The following GABBR2 variants were observed in gnomAD, a reference collection of about 807,000 sequenced individuals.
GABBR2 encodes the protein G-protein coupled receptor 51.
GABBR2 carries 23 observed loss-of-function variants against 105.6 expected under a neutral mutation model. The ratio of observed to expected loss-of-function variants is 0.22; its 90% CI spans 0.16 to 0.31. The LOEUF is 0.31. GABBR2 is among the 10% of genes least tolerant of loss of function. GABBR2 has a pLI of 1.00. For missense variants in GABBR2, 734 were observed against 1,245.5 expected (o/e 0.59, Z 6.18); for synonymous variants, 478 against 499.7 (o/e 0.96, Z 0.58).
rs117184802 is a variant in GABBR2 at position 98,674,903 on chromosome 9, C to G, written c.321+33514G>C. On this transcript the variant is annotated intron_variant, in intron 1 of 18. Transcript: ENST00000259455. ...GTGGAAGCTTCATTTCTCTCTACAC[C>G]CTCTTCTCTTTCTGCCTCCCTAGGC... Among the ~76,000 whole-genome samples, 436 of 152,236 alleles carry G rather than the reference C, an allele frequency of 2.9e-3. 7 individuals carry two copies. In the East Asian group the frequency reaches 0.039, roughly 13 times the overall value.
At chr9:98,529,079 A>AGATAATT (rs1828015348) in intron 3 of GABBR2, among the ~76,000 whole-genome samples, 1 of 152,160 alleles carries the variant, frequency 6.6e-6, no homozygotes, top group Non-Finnish European at 1.5e-5. Context: ...CAGGAATTGG[A>AGATAATT]TAAAGATGGT....
chr9:98,304,931 C>T (rs1452043510), intron 15 of GABBR2, among the ~76,000 whole-genome samples: 3 of 152,166 alleles, frequency 2.0e-5, no homozygotes, highest in Non-Finnish European at 2.9e-5. Flanking sequence ...ACCACCACAC[C>T]TGGCTTTTTT....
At chr9:98,438,009 C>T (rs1825958083) in intron 7 of GABBR2, among the ~76,000 whole-genome samples, 1 of 151,822 alleles carries the variant, frequency 6.6e-6, no homozygotes, top group South Asian at 2.1e-4. Context: ...TCCAACCATC[C>T]ATCCACATCT....
intron 1 of GABBR2, among the ~76,000 whole-genome samples, chr9:98,667,866 T>C (rs965488210): frequency 2.6e-5 from 4 of 152,220 alleles, no homozygotes; most frequent in South Asian, 4.1e-4. Flanking sequence ...TGGGCTGATA[T>C]GCCTGTCCCC....
chr9:98,426,997 T>C (rs1825705232), intron 7 of GABBR2, among the ~76,000 whole-genome samples: 1 of 152,174 alleles, frequency 6.6e-6, no homozygotes, highest in Admixed American at 6.5e-5. Flanking sequence ...AACAAGAATC[T>C]GTCTCGAAAA....
chr9:98,608,149 C>A, intron 1 of GABBR2: 4 of 1,238,052 alleles, frequency 3.2e-6, no homozygotes, highest in Non-Finnish European at 4.7e-6. Context: ...CTATTGACCA[C>A]CAGTTACGTA....
chr9:98,303,103 T>C (rs1235554433), intron 16 of GABBR2, 138 bp downstream of exon 16: 2 of 606,672 alleles, frequency 3.3e-6, no homozygotes, highest in African/African-American at 3.7e-5. Context: ...CCCCTGGCTC[T>C]CGCAGCTGCA....
In GABBR2 at chr9:98,357,945, G is replaced by A. The variant is rs928752178; in HGVS notation, c.1893+4770C>T. 1.1e-4 allele frequency among the ~76,000 whole-genome samples: 16 copies of A among 152,274 alleles called. No individual in the cohort carries two copies. In the East Asian group the frequency reaches 2.5e-3, roughly 24 times the overall value. ...TTTCTCCAGTGTTTGAACTTGAAGC[G>A]TGTGAAAGCCTGTTTTGGGTATTCA... On this transcript the variant is annotated intron_variant, in intron 13 of 18. Coordinates refer to ENST00000259455, the MANE Select transcript of GABBR2 (RefSeq NM_005458.8).
At chr9:98,437,458 C>CATCCATCT (rs893725831) in intron 7 of GABBR2, among the ~76,000 whole-genome samples, 8 of 151,544 alleles carry the variant, frequency 5.3e-5, no homozygotes, top group African/African-American at 1.7e-4. Flanking sequence ...CTCACATAAT[C>CATCCATCT]ATCCATCTAT....
chr9:98,431,718 TAG>T (rs555988846), intron 7 of GABBR2, among the ~76,000 whole-genome samples: 5 of 151,868 alleles, frequency 3.3e-5, no homozygotes, highest in Admixed American at 6.6e-5. Flanking sequence ...GTTTTTTTGA[TAG>T]AGTCTCACTC....
intron 11 of GABBR2, among the ~76,000 whole-genome samples, chr9:98,378,352 C>G (rs1224663946): frequency 6.6e-6 from 1 of 152,094 alleles, no homozygotes; most frequent in Non-Finnish European, 1.5e-5. Flanking sequence ...GGACTCGAAC[C>G]CCACCCTGCC....
At chr9:98,606,951 G>A (rs561723941) in intron 1 of GABBR2, 42 of 725,238 alleles carry the variant, frequency 5.8e-5, no homozygotes, top group Admixed American at 3.8e-4. Context: ...CTGCTTGCCC[G>A]CGGCTCCGCC....
At chr9:98,684,038 A>T (rs1830586939) in intron 1 of GABBR2, among the ~76,000 whole-genome samples, 1 of 140,070 alleles carries the variant, frequency 7.1e-6, no homozygotes, top group Admixed American at 7.1e-5. Flanking sequence ...AAAAAAAAAA[A>T]TCTAAATAAA....
intron 13 of GABBR2, among the ~76,000 whole-genome samples, chr9:98,348,266 G>A (rs1390763390): frequency 6.6e-6 from 1 of 152,074 alleles, no homozygotes; most frequent in East Asian, 1.9e-4. Flanking sequence ...TTTATTTAGG[G>A]GCTTTCTATT....
At chr9:98,558,665 C>G (rs1403566459) in intron 2 of GABBR2, among the ~76,000 whole-genome samples, 2 of 152,222 alleles carry the variant, frequency 1.3e-5, no homozygotes, top group East Asian at 3.8e-4. Context: ...AACATGACCA[C>G]TCACATCATC....
chr9:98,465,035 T>C (rs1826516592), intron 6 of GABBR2, among the ~76,000 whole-genome samples: 1 of 149,816 alleles, frequency 6.7e-6, no homozygotes, highest in South Asian at 2.1e-4. Context: ...TTCTTGTGTT[T>C]ATCTGCTGAC....
chr9:98,452,122 C>T (rs1161652090), intron 7 of GABBR2, among the ~76,000 whole-genome samples: 1 of 152,190 alleles, frequency 6.6e-6, no homozygotes, highest in African/African-American at 2.4e-5. Flanking sequence ...GGCATCCACA[C>T]CATTATCCAC....
Position 98,293,853 on chromosome 9 carries a change from T to C in GABBR2, c.2592A>G (p.Leu864=). 1 of 1,613,200 alleles carries C rather than the reference T, an allele frequency of 6.2e-7. No homozygotes were observed. The highest frequency in any genetic ancestry group is 1.6e-4 in the Middle Eastern group (1 of 6,062). ...GAGAGGGCTCTGTTGTGTTCCACTG[T>C]AGCTGGGGATTTTGATCGAGGTGAT... is the stretch of plus-strand genomic sequence containing the variant. ...LKNHLDQNPQ[L]QWNTTEPSRT... Residue 864 remains leucine, a synonymous_variant, in exon 18 of 19, where the codon CTA becomes CTG. Coordinates refer to ENST00000259455, the MANE Select transcript of GABBR2 (RefSeq NM_005458.8).
In GABBR2 at chr9:98,299,215, C is replaced by A. The variant is rs1441348656; in HGVS notation, c.2542+9G>T. 6.2e-7 allele frequency: 1 copy of A among 1,613,296 alleles called. No individual in the cohort carries two copies. The highest frequency in any genetic ancestry group is 8.5e-7 in the Non-Finnish European group (1 of 1,179,446). On this transcript the variant is annotated intron_variant, in intron 17 of 18. Transcript: ENST00000259455. ...TCCCTACCACATTCTGGGGCCCTGG[C>A]TCTCTTACCTGTGCTCTCAGTGAAG...
Sources: gnomAD v4.1 joint callset for allele counts (sites outside exome capture counted in the v4.1 genomes callset) on GRCh38, gnomAD v4.1.1 for gene constraint, MANE v1.5 for transcripts, NCBI Gene and HGNC (gene_info 2026-07-23, HGNC 2026-07-21) for gene names.